The following VAMP3 variants were observed in gnomAD, a reference collection of about 807,000 sequenced individuals.
The protein encoded by VAMP3 is vesicle associated membrane protein 3.
Under a neutral mutation model 18.1 loss-of-function variants are expected in VAMP3, and 11 were observed. The observed-to-expected ratio is 0.61, with a 90% CI of 0.38 to 1.00. The LOEUF is 1.00. Among genes scored for constraint, VAMP3 ranks in the 50% least tolerant of loss-of-function variants. The pLI, the probability that VAMP3 is intolerant of heterozygous loss-of-function variation, is 0.01. For synonymous variants in VAMP3, 49 were observed against 43.1 expected, an observed-to-expected ratio of 1.14 and a Z score of -0.53; for missense variants, 122 against 127.3, an observed-to-expected ratio of 0.96 and a Z score of 0.20.
chr1:7,780,921 C>T lies in VAMP3; in HGVS notation c.*1276C>T, dbSNP rs1254670807. The stretch of plus-strand genomic sequence containing the variant: ...AAACTTTGTCATCGGAAAAACTTTT[C>T]TTGTATGCATGAGACTCAACATCAG... On this transcript the variant is annotated 3_prime_UTR_variant, in exon 5 of 5. Coordinates refer to ENST00000054666, the MANE Select transcript of VAMP3 (RefSeq NM_004781.4). 1 of 152,384 alleles carries T rather than the reference C, an allele frequency of 6.6e-6. No individual in the cohort carries two copies. Among genetic ancestry groups the T allele is most frequent in the Non-Finnish European group, 1.5e-5 (1 of 68,030 alleles). 9.4% of individuals were successfully genotyped at this position (152,384 alleles called of 1,614,324 possible). A position where few individuals can be genotyped will look rare whatever the true frequency, so the allele number is the denominator to read the frequency against.
rs749971635 is a variant in VAMP3 at position 7,777,277 on chromosome 1, G to A, written c.190G>A (p.Ala64Thr). ...QAGASQFETS[A>T]AKLKRKYWWK... ...AGGCGCTTCTCAATTTGAAACGAGC[G>A]CAGCCAAGTTGAAGAGGAAATATTG... The change falls in exon 3 of 5, where the codon GCA (alanine) becomes ACA (threonine). Residue 64 changes from alanine to threonine, a missense_variant. Coordinates refer to ENST00000054666, the MANE Select transcript of VAMP3 (RefSeq NM_004781.4). The A allele has an allele frequency of 1.1e-5, 17 of 1,613,440 alleles. No homozygotes were observed. The East Asian group carries it at 1.6e-4, about 15-fold the overall frequency.
chr1:7,777,049 G>A (rs951268476), intron 2 of VAMP3, 111 bp from the exon 3 acceptor site: 1 of 1,280,410 alleles, frequency 7.8e-7, no homozygotes, highest in Non-Finnish European at 1.1e-6. Context: ...GACCACAGGT[G>A]ATCCACCCAC....
chr1:7,779,144 A>G (rs1454677538), intron 4 of VAMP3, among the ~76,000 whole-genome samples: 3 of 152,270 alleles, frequency 2.0e-5, no homozygotes, highest in Non-Finnish European at 2.9e-5. Flanking sequence ...GCAGTGAGCC[A>G]AGATCATGCC....
intron 4 of VAMP3, 31 bp downstream of exon 4, chr1:7,778,200 A>G (rs1323169312): frequency 8.7e-6 from 14 of 1,611,858 alleles, no homozygotes; most frequent in Non-Finnish European, 1.2e-5. Context: ...CTGATTGGAA[A>G]AGTCTTCTCC....
At chr1:7,773,116 A>C (rs2097052096) in intron 1 of VAMP3, 2 of 261,980 alleles carry the variant, frequency 7.6e-6, no homozygotes, top group Admixed American at 5.3e-5. Flanking sequence ...AGTACATTCA[A>C]GCAGATGTGT....
intron 2 of VAMP3, among the ~76,000 whole-genome samples, chr1:7,774,075 G>GTT (rs1205690762): frequency 6.6e-6 from 1 of 152,154 alleles, no homozygotes; most frequent in Non-Finnish European, 1.5e-5. Flanking sequence ...GTTCTGCGCC[G>GTT]TATGTGGAGA....
Position 7,779,918 on chromosome 1 carries a change from T to C in VAMP3, c.*273T>C, listed in dbSNP as rs2097056259. The C allele has an allele frequency of 2.5e-6, 1 of 406,386 alleles. No homozygotes were observed. Among genetic ancestry groups the C allele is most frequent in the African/African-American group, 2.1e-5 (1 of 48,150 alleles). 25.2% of individuals were successfully genotyped at this position (406,386 alleles called of 1,614,324 possible). ...GTTCCAGAGTGCTATAATCTAGATG[T>C]AATGTTGTCACTAATTAATTGCCAT... is the stretch of plus-strand genomic sequence containing the variant. On this transcript the variant is annotated 3_prime_UTR_variant, in exon 5 of 5. Transcript: ENST00000054666.
chr1:7,777,436 TGGAA>T, intron 3 of VAMP3, 118 bp downstream of exon 3: 3 of 1,301,850 alleles, frequency 2.3e-6, no homozygotes, highest in Non-Finnish European at 3.1e-6. Context: ...TTCCTCCACA[TGGAA>T]ATGTGGGTCC....
chr1:7,776,260 T>A (rs896194824), intron 2 of VAMP3: 20 of 152,336 alleles, frequency 1.3e-4, no homozygotes, highest in African/African-American at 4.6e-4. Flanking sequence ...TATTCCTAGG[T>A]ATTTTATTCT....
chr1:7,779,422 G>C (rs2097055966), intron 4 of VAMP3, among the ~76,000 whole-genome samples: 1 of 152,118 alleles, frequency 6.6e-6, no homozygotes, highest in Non-Finnish European at 1.5e-5. Context: ...CCTTTTAGCA[G>C]GAAGGTACAG....
rs576867392 is a variant in VAMP3, at chr1:7,771,353, C to T, written c.-31C>T. On this transcript the variant is annotated 5_prime_UTR_variant, in exon 1 of 5. Transcript: ENST00000054666. ...CTTCGCTTCTCTGCTGACCCTCTCT[C>T]GTCGCCGCTGCCGCCGCCGCAGCTG... is the stretch of plus-strand genomic sequence containing the variant. The T allele has an allele frequency of 2.5e-5, 40 of 1,592,426 alleles. No individual in the cohort carries two copies. The African/African-American group carries it at 4.7e-4, about 19-fold the overall frequency.
chr1:7,772,034 C>G (rs908177778), intron 1 of VAMP3, among the ~76,000 whole-genome samples: 1 of 152,216 alleles, frequency 6.6e-6, no homozygotes, highest in Non-Finnish European at 1.5e-5. Flanking sequence ...CTGGGGACCC[C>G]CCTCGAATGT....
At chr1:7,777,691 A>C (rs2097054967) in intron 3 of VAMP3, among the ~76,000 whole-genome samples, 2 of 152,238 alleles carry the variant, frequency 1.3e-5, no homozygotes, top group Non-Finnish European at 2.9e-5. Flanking sequence ...AAGAAATGCT[A>C]GAAAGCCACA....
intron 4 of VAMP3, among the ~76,000 whole-genome samples, chr1:7,779,378 T>C (rs2097055946): frequency 6.6e-6 from 1 of 152,194 alleles, no homozygotes; most frequent in Non-Finnish European, 1.5e-5. Flanking sequence ...AAACATGACT[T>C]CTTTCATTGA....
chr1:7,778,168 C>G lies in VAMP3; in HGVS notation c.282C>G (p.Ile94Met). ...TVLVIFIIII[I>M]VWVVSS is the part of the protein sequence containing the mutation. Reference sequence around the variant, plus strand: ...TGGTTATCTTCATCATCATCATCATCGGTGAGTTACCCTTTTCTAAACTGA... The same window carrying G: ...TGGTTATCTTCATCATCATCATCATGGGTGAGTTACCCTTTTCTAAACTGA... Residue 94 changes from isoleucine (I) to methionine (M), a missense_variant and splice_region_variant, in exon 4 of 5, where the codon ATC becomes ATG. Coordinates refer to ENST00000054666, the MANE Select transcript of VAMP3 (RefSeq NM_004781.4). The G allele has an allele frequency of 6.2e-7, 1 of 1,614,102 alleles. No homozygotes were observed. The highest frequency in any genetic ancestry group is 8.5e-7 in the Non-Finnish European group (1 of 1,180,004).
intron 1 of VAMP3, among the ~76,000 whole-genome samples, chr1:7,772,517 A>G (rs1415715904): frequency 6.6e-6 from 1 of 152,224 alleles, no homozygotes; most frequent in Admixed American, 6.5e-5. Context: ...TGGAGCCAAT[A>G]ATGACTTCAG....
chr1:7,778,054 T>TA (rs1326812818), intron 3 of VAMP3, 64 bp from the exon 4 acceptor site: 4 of 1,550,180 alleles, frequency 2.6e-6, no homozygotes, highest in Admixed American at 3.3e-5. Context: ...TATTATATAA[T>TA]ACTCTTCAAC....
intron 4 of VAMP3, 99 bp from the exon 5 acceptor site, chr1:7,779,527 A>G (rs2097056026): frequency 2.0e-6 from 3 of 1,535,470 alleles, no homozygotes; most frequent in South Asian, 1.1e-5. Flanking sequence ...CTAATTTCTG[A>G]TCACATTTAG....
chr1:7,777,707 C>G lies in VAMP3; in HGVS notation c.231+389C>G, dbSNP rs1418103885. 2.6e-5 allele frequency among the ~76,000 whole-genome samples: 4 copies of G among 152,286 alleles called. No individual in the cohort carries two copies. In the East Asian group the frequency reaches 5.8e-4, roughly 22 times the overall value. On this transcript the variant is annotated intron_variant, in intron 3 of 4. Transcript: ENST00000054666. Reference sequence around the variant, plus strand: ...AGAAATGCTAGAAAGCCACAGTGTGCCCAACAGAAGAGTAGAAAGCAGCTC... The same window carrying G: ...AGAAATGCTAGAAAGCCACAGTGTGGCCAACAGAAGAGTAGAAAGCAGCTC...
Sources: gnomAD v4.1 joint callset for allele counts (sites outside exome capture counted in the v4.1 genomes callset) on GRCh38, gnomAD v4.1.1 for gene constraint, MANE v1.5 for transcripts, NCBI Gene and HGNC (gene_info 2026-07-23, HGNC 2026-07-21) for gene names.